Variants in AMBRA1 observed in about 807,000 individuals in gnomAD.
AMBRA1 encodes activating molecule in BECN1-regulated autophagy protein 1.
AMBRA1 carries 47 observed loss-of-function variants against 125.4 expected under a neutral mutation model. That is an observed-to-expected ratio of 0.37 (90% CI 0.30 to 0.48). AMBRA1 has a LOEUF of 0.48. AMBRA1 is among the 20% of genes least tolerant of loss of function. The pLI is 0.99. For synonymous variants in AMBRA1, 626 were observed against 655.5 expected, an observed-to-expected ratio of 0.95 and a Z score of 0.69; for missense variants, 1,331 against 1,693.4, an observed-to-expected ratio of 0.79 and a Z score of 3.76.
Position 46,397,629 on chromosome 11 carries a change from CA to C in AMBRA1, c.3717del (p.Arg1241GlyfsTer32). On this transcript the variant is annotated frameshift_variant, in exon 18 of 18. Coordinates refer to ENST00000683756, the MANE Select transcript of AMBRA1 (RefSeq NM_001387011.1). LOFTEE classifies it high-confidence loss of function. The part of the protein sequence containing the change: ...RTASWDQPGT[P>X]GREPTQPTLP... ...AGGGTTGGCTGGGTTGGCTCCCGCC[CA>C]GGGGTACCAGGCTGGTCCCAGGAAG... The C allele has an allele frequency of 6.2e-7, 1 of 1,611,792 alleles. No homozygotes were observed. Among genetic ancestry groups the C allele is most frequent in the Non-Finnish European group, 8.5e-7 (1 of 1,178,540 alleles).
intron 9 of AMBRA1, among the ~76,000 whole-genome samples, chr11:46,503,443 A>G (rs1950918823): frequency 6.6e-6 from 1 of 152,212 alleles, no homozygotes; most frequent in African/African-American, 2.4e-5. Flanking sequence ...AATTGATCAC[A>G]GGTCACCATA....
chr11:46,592,761 A>G (rs1229789543), intron 1 of AMBRA1, among the ~76,000 whole-genome samples: 1 of 151,842 alleles, frequency 6.6e-6, no homozygotes, highest in Non-Finnish European at 1.5e-5. Flanking sequence ...GTCTTAAAAA[A>G]AAAAAAGAAA....
At chr11:46,455,447 AAG>A (rs992009119) in intron 11 of AMBRA1, among the ~76,000 whole-genome samples, 1 of 152,198 alleles carries the variant, frequency 6.6e-6, no homozygotes, top group Non-Finnish European at 1.5e-5. Flanking sequence ...CATGCTTTGA[AAG>A]AGGAGATGCA....
At chr11:46,558,521 C>T (rs975531345) in intron 1 of AMBRA1, among the ~76,000 whole-genome samples, 1 of 141,500 alleles carries the variant, frequency 7.1e-6, no homozygotes, top group Non-Finnish European at 1.5e-5. Flanking sequence ...TGCAATCCAG[C>T]CTGGGCGACA....
At chr11:46,487,326 A>G (rs1476177802) in intron 11 of AMBRA1, among the ~76,000 whole-genome samples, 1 of 152,066 alleles carries the variant, frequency 6.6e-6, no homozygotes, top group Non-Finnish European at 1.5e-5. Context: ...TAACAATAAT[A>G]ACAAGTAAAT....
chr11:46,562,604 T>C (rs1299178245), intron 1 of AMBRA1, among the ~76,000 whole-genome samples: 3 of 152,196 alleles, frequency 2.0e-5, no homozygotes, highest in South Asian at 2.1e-4. Flanking sequence ...CCCAAGTGGA[T>C]AGTGGAGACA....
chr11:46,508,655 TC>T (rs1474008421), intron 8 of AMBRA1, among the ~76,000 whole-genome samples: 1 of 152,216 alleles, frequency 6.6e-6, no homozygotes, highest in Non-Finnish European at 1.5e-5. Context: ...GGCCTTTCCT[TC>T]TAGCTTCTGA....
At chr11:46,523,732 G>T (rs1038297649) in intron 7 of AMBRA1, among the ~76,000 whole-genome samples, 1 of 152,146 alleles carries the variant, frequency 6.6e-6, no homozygotes, top group African/African-American at 2.4e-5. Flanking sequence ...AAAGACAAAA[G>T]ATAAGACAGA....
At chr11:46,485,268 T>C (rs769349117) in intron 11 of AMBRA1, among the ~76,000 whole-genome samples, 1 of 152,226 alleles carries the variant, frequency 6.6e-6, no homozygotes, top group Non-Finnish European at 1.5e-5. Context: ...AACATTTCAC[T>C]ATACTGTCTC....
At chr11:46,587,858 T>C (rs925828345) in intron 1 of AMBRA1, among the ~76,000 whole-genome samples, 2 of 152,124 alleles carry the variant, frequency 1.3e-5, no homozygotes, top group Admixed American at 6.6e-5. Flanking sequence ...TCTTCATAGG[T>C]AAGGGTTGAA....
chr11:46,511,615 CT>C (rs1951260456), intron 8 of AMBRA1, among the ~76,000 whole-genome samples: 1 of 152,202 alleles, frequency 6.6e-6, no homozygotes, highest in Admixed American at 6.5e-5. Flanking sequence ...GTAAATTACC[CT>C]TTTCTTTTGG....
intron 7 of AMBRA1, chr11:46,530,611 G>A (rs574579735): frequency 1.3e-5 from 2 of 152,332 alleles, no homozygotes; most frequent in Non-Finnish European, 2.9e-5. Context: ...ACTAGAGAGA[G>A]AGCAAGTGCA....
chr11:46,467,506 T>TA (rs779159723), intron 11 of AMBRA1, among the ~76,000 whole-genome samples: 4 of 152,058 alleles, frequency 2.6e-5, no homozygotes, highest in Admixed American at 6.6e-5. Flanking sequence ...TTACAATGAA[T>TA]ATATACTTTT....
intron 17 of AMBRA1, among the ~76,000 whole-genome samples, chr11:46,401,280 G>A (rs997553249): frequency 8.5e-5 from 13 of 152,242 alleles, no homozygotes; most frequent in South Asian, 4.1e-4. Flanking sequence ...TCGCTCTGTC[G>A]CCCAGACTGG....
At chr11:46,570,261 C>CAAAAAAAAAAAA (rs200875374) in intron 1 of AMBRA1, among the ~76,000 whole-genome samples, 1 of 14,260 alleles carries the variant, frequency 7.0e-5, no homozygotes, top group African/African-American at 2.9e-4. Flanking sequence ...GACCATGTCT[C>CAAAAAAAAAAAA]AAAAAAAAAA....
At chr11:46,548,779 G>T (rs891971272) in intron 1 of AMBRA1, among the ~76,000 whole-genome samples, 4 of 152,292 alleles carry the variant, frequency 2.6e-5, no homozygotes, top group Admixed American at 1.3e-4. Flanking sequence ...GATTGCTTGA[G>T]GTCAGGAGTT....
chr11:46,476,470 C>G (rs1949816495), intron 11 of AMBRA1, among the ~76,000 whole-genome samples: 1 of 152,184 alleles, frequency 6.6e-6, no homozygotes, highest in Non-Finnish European at 1.5e-5. Context: ...GGTACTGCTT[C>G]TATCCCATAG....
At chr11:46,562,096 A>T (rs1469508835) in intron 1 of AMBRA1, among the ~76,000 whole-genome samples, 1 of 152,254 alleles carries the variant, frequency 6.6e-6, no homozygotes, top group African/African-American at 2.4e-5. Context: ...CTAGAAAGAA[A>T]ATATGGCAGG....
intron 15 of AMBRA1, among the ~76,000 whole-genome samples, chr11:46,416,807 G>A (rs936340682): frequency 2.0e-5 from 3 of 152,142 alleles, no homozygotes; most frequent in Non-Finnish European, 1.5e-5. Flanking sequence ...ACCTTGCAGC[G>A]TCCCACGCAG....
Sources: allele counts gnomAD v4.1 joint callset (sites outside exome capture counted in the v4.1 genomes callset), GRCh38; gene constraint gnomAD v4.1.1; transcripts MANE v1.5; gene names NCBI Gene and HGNC (gene_info 2026-07-23, HGNC 2026-07-21).